Variants in FAR2 observed in about 807,000 individuals in gnomAD.
FAR2 encodes the protein fatty acyl-CoA reductase 2.
Under a neutral mutation model 56.0 loss-of-function variants are expected in FAR2, and 19 were observed. The observed-to-expected ratio is 0.34, with a 90% CI of 0.24 to 0.50. The LOEUF (loss-of-function observed/expected upper bound fraction) is 0.50. Among genes scored for constraint, FAR2 ranks in the 20% least tolerant of loss-of-function variants. The pLI is 0.98. For synonymous variants in FAR2, 219 were observed against 218.8 expected (o/e 1.00, Z -0.01); for missense variants, 508 against 642.2 (o/e 0.79, Z 2.26).
At chr12:29,332,512 A>G in intron 10 of FAR2, 88 bp from the exon 11 acceptor site, 2 of 1,562,058 alleles carry the variant, frequency 1.3e-6, no homozygotes, top group Non-Finnish European at 1.7e-6. Context: ...ATTGAAGGTC[A>G]CTCGTCTATG....
At chr12:29,215,139 A>G (rs556964377) in intron 1 of FAR2, among the ~76,000 whole-genome samples, 96 of 152,354 alleles carry the variant, frequency 6.3e-4, no homozygotes, top group African/African-American at 2.1e-3. Flanking sequence ...AGAGAAATGG[A>G]TATGTAATGA....
At chr12:29,296,904 G>A in intron 3 of FAR2, 117 bp from the exon 4 acceptor site, 1 of 853,854 alleles carries the variant, frequency 1.2e-6, no homozygotes, top group Non-Finnish European at 1.8e-6. Context: ...TCTTCCTGGT[G>A]TTTTGGTGCG....
chr12:29,291,471 G>T (rs1395978700), intron 2 of FAR2: 4 of 455,854 alleles, frequency 8.8e-6, no homozygotes, highest in African/African-American at 6.0e-5. Context: ...GAAATGAGTT[G>T]TATGCAGTTA....
intron 1 of FAR2, among the ~76,000 whole-genome samples, chr12:29,226,911 G>T (rs1947777792): frequency 6.6e-6 from 1 of 152,210 alleles, no homozygotes; most frequent in Non-Finnish European, 1.5e-5. Flanking sequence ...AGAGCCATTT[G>T]TAAGATGGTA....
chr12:29,263,217 C>T (rs533967981), intron 1 of FAR2, among the ~76,000 whole-genome samples: 2 of 152,196 alleles, frequency 1.3e-5, no homozygotes, highest in East Asian at 1.9e-4. Context: ...CTTCAACACC[C>T]CACCTTCAGC....
intron 2 of FAR2, among the ~76,000 whole-genome samples, chr12:29,291,923 G>C (rs150987702): frequency 1.4e-4 from 21 of 152,248 alleles, no homozygotes; most frequent in African/African-American, 5.1e-4. Flanking sequence ...TATTTCAGTG[G>C]AACATTATCA....
chr12:29,242,419 C>G (rs1230051713), intron 1 of FAR2, among the ~76,000 whole-genome samples: 4 of 152,210 alleles, frequency 2.6e-5, no homozygotes, highest in African/African-American at 4.8e-5. Context: ...CCCACACTTA[C>G]TAAGTGCAAT....
chr12:29,316,725 G>A (rs1949456594), intron 8 of FAR2, 116 bp from the exon 9 acceptor site: 1 of 1,019,710 alleles, frequency 9.8e-7, no homozygotes, highest in East Asian at 2.4e-5. Flanking sequence ...ATTGATTCTT[G>A]ACTCTACACA....
intron 1 of FAR2, among the ~76,000 whole-genome samples, chr12:29,246,012 A>G (rs988908144): frequency 6.6e-6 from 1 of 151,616 alleles, no homozygotes; most frequent in African/African-American, 2.4e-5. Context: ...ATATTATATG[A>G]TATTGTTATA....
chr12:29,244,799 A>C (rs915358485), intron 1 of FAR2, among the ~76,000 whole-genome samples: 1 of 152,220 alleles, frequency 6.6e-6, no homozygotes, highest in Non-Finnish European at 1.5e-5. Flanking sequence ...AGGCTATACA[A>C]CAATGACTAA....
At chr12:29,240,226 A>C (rs1948005659) in intron 1 of FAR2, among the ~76,000 whole-genome samples, 1 of 152,186 alleles carries the variant, frequency 6.6e-6, no homozygotes, top group Non-Finnish European at 1.5e-5. Context: ...TAGTAAGCAA[A>C]AACATAACTC....
chr12:29,295,104 G>A (rs1450090615), intron 3 of FAR2, among the ~76,000 whole-genome samples: 8 of 151,888 alleles, frequency 5.3e-5, no homozygotes, highest in African/African-American at 1.7e-4. Flanking sequence ...ATGGAGTTTC[G>A]CTCTGTTGCC....
At chr12:29,167,207 GT>G (rs1337796147) in intron 1 of FAR2, among the ~76,000 whole-genome samples, 2 of 152,090 alleles carry the variant, frequency 1.3e-5, no homozygotes, top group African/African-American at 4.8e-5. Context: ...TTTCTGGTGT[GT>G]TTTCTATTCT....
intron 10 of FAR2, among the ~76,000 whole-genome samples, chr12:29,328,735 C>A (rs1449690940): frequency 1.5e-4 from 15 of 100,934 alleles, no homozygotes; most frequent in Non-Finnish European, 2.5e-4. Flanking sequence ...CACACCGGGG[C>A]CTGTTGTGGA....
chr12:29,270,498 G>A lies in FAR2; in HGVS notation c.49G>A (p.Gly17Arg). The change falls in exon 2 of 12, where the codon GGG (glycine) becomes AGG (arginine). Residue 17 changes from glycine to arginine, a missense_variant. Coordinates refer to ENST00000536681, the MANE Select transcript of FAR2 (RefSeq NM_001271783.2). ...FYGGKSILIT[G>R]ATGFLGKVLM... ...TGGCGGCAAGTCCATTCTCATCACG[G>A]GGGCCACAGGCTTTCTGGGCAAAGT... 6.2e-7 allele frequency: 1 copy of A among 1,610,994 alleles called. No homozygotes were observed. The highest frequency in any genetic ancestry group is 8.5e-7 in the Non-Finnish European group (1 of 1,177,864).
At position 29,335,447 on chromosome 12, in the gene FAR2, T is replaced by C. The variant is rs1949781490; in HGVS notation, c.*1653T>C. ...GTTATATCAATTAAGATACAAGCTA[T>C]AGACATGATAAAAATATGAAATCAA... On this transcript the variant is annotated 3_prime_UTR_variant, in exon 12 of 12. Coordinates refer to ENST00000536681, the MANE Select transcript of FAR2 (RefSeq NM_001271783.2). The C allele has an allele frequency of 6.6e-6, 1 of 152,174 alleles. No homozygotes were observed. The highest frequency in any genetic ancestry group is 2.4e-5 in the African/African-American group (1 of 41,418). 9.4% of individuals were successfully genotyped at this position (152,174 alleles called of 1,614,324 possible).
intron 1 of FAR2, among the ~76,000 whole-genome samples, chr12:29,257,458 T>C (rs191046865): frequency 0.016 from 2,501 of 152,268 alleles, 30 homozygotes; most frequent in Non-Finnish European, 0.026. Flanking sequence ...AAAAGCAGGC[T>C]GCCCAAGCCA....
At chr12:29,214,731 G>A (rs1200270987) in intron 1 of FAR2, among the ~76,000 whole-genome samples, 1 of 152,108 alleles carries the variant, frequency 6.6e-6, no homozygotes, top group East Asian at 1.9e-4. Flanking sequence ...TGAGGCAGGA[G>A]AATGGCTTGA....
At chr12:29,291,898 G>A (rs1345905849) in intron 2 of FAR2, among the ~76,000 whole-genome samples, 2 of 152,178 alleles carry the variant, frequency 1.3e-5, no homozygotes, top group Non-Finnish European at 2.9e-5. Context: ...AATTGATGCA[G>A]CCAATTCATT....
Sources: allele counts gnomAD v4.1 joint callset (sites outside exome capture counted in the v4.1 genomes callset), GRCh38; gene constraint gnomAD v4.1.1; transcripts MANE v1.5; gene names NCBI Gene and HGNC (gene_info 2026-07-23, HGNC 2026-07-21).